RBM20: variants seen among roughly 807,000 people sequenced by gnomAD.
RBM20 encodes the protein RNA-binding protein 20.
In RBM20, 51 loss-of-function variants were observed where a neutral mutation model predicts 110.1. The observed-to-expected ratio is 0.46, with a 90% CI of 0.37 to 0.59. The LOEUF is 0.59. RBM20 is among the 20% of genes least tolerant of loss of function. The probability of loss-of-function intolerance (pLI) is 0.00; values close to 1 mark genes in which losing one functional copy is unlikely to be tolerated. For missense variants in RBM20, 1,512 were observed against 1,574.9 expected, an observed-to-expected ratio of 0.96 and a Z score of 0.68; for synonymous variants, 589 against 618.2, an observed-to-expected ratio of 0.95 and a Z score of 0.70.
chr10:110,672,345 T>A (rs1762695717), intron 1 of RBM20, among the ~76,000 whole-genome samples: 1 of 151,704 alleles, frequency 6.6e-6, no homozygotes, highest in Non-Finnish European at 1.5e-5. Flanking sequence ...TCCGAATAAT[T>A]CAACCCTCGT....
chr10:110,769,895 T>A (rs978071992), intron 1 of RBM20, among the ~76,000 whole-genome samples: 2 of 152,002 alleles, frequency 1.3e-5, no homozygotes, highest in East Asian at 1.9e-4. Context: ...ATCTAAAAAA[T>A]TTTTTTAGAG....
chr10:110,818,291 CAAA>C (rs11430112), intron 9 of RBM20, among the ~76,000 whole-genome samples: 1 of 56,260 alleles, frequency 1.8e-5, no homozygotes. Flanking sequence ...AACTCCATCT[CAAA>C]AAAAAAAAAA....
chr10:110,660,911 G>A lies in RBM20; in HGVS notation c.191+16266G>A, dbSNP rs1003748001. On this transcript the variant is annotated intron_variant, in intron 1 of 13. Transcript: ENST00000369519. ...AAAACTGGTCCCTGGTGCCGAAAAGGTTGGGGACCGCTGTTCTGACAAATT... is the reference window on the plus strand; with the variant it reads ...AAAACTGGTCCCTGGTGCCGAAAAGATTGGGGACCGCTGTTCTGACAAATT... Among the ~76,000 whole-genome samples, 7 of 152,070 alleles carry A rather than the reference G, an allele frequency of 4.6e-5. No homozygotes were observed. The East Asian group carries it at 1.3e-3, about 29-fold the overall frequency.
intron 1 of RBM20, among the ~76,000 whole-genome samples, chr10:110,700,313 T>C (rs1862738720): frequency 6.6e-6 from 1 of 152,206 alleles, no homozygotes. Flanking sequence ...GCGCTTCAGA[T>C]TTAGATAATA....
At chr10:110,780,620 G>GTTTTTTTTTTTTT (rs34363441) in intron 1 of RBM20, among the ~76,000 whole-genome samples, 181 bp from the exon 2 acceptor site, 1 of 140,872 alleles carries the variant, frequency 7.1e-6, no homozygotes. Flanking sequence ...TTCCATTGGA[G>GTTTTTTTTTTTTT]TTTTTTTTTT....
chr10:110,750,506 T>A (rs1383234127), intron 1 of RBM20, among the ~76,000 whole-genome samples: 3 of 152,194 alleles, frequency 2.0e-5, no homozygotes, highest in Non-Finnish European at 4.4e-5. Context: ...GAAGAACGCG[T>A]GGGGAAGAGC....
intron 12 of RBM20, among the ~76,000 whole-genome samples, chr10:110,826,046 C>T (rs1240953035): frequency 1.3e-5 from 2 of 152,060 alleles, no homozygotes; most frequent in Non-Finnish European, 2.9e-5. Flanking sequence ...GCGTCCTAGC[C>T]AGGGGGTTGT....
At chr10:110,769,328 A>G (rs998382426) in intron 1 of RBM20, among the ~76,000 whole-genome samples, 3 of 152,156 alleles carry the variant, frequency 2.0e-5, no homozygotes, top group East Asian at 1.9e-4. Flanking sequence ...GCTTTTTATA[A>G]TGATGGGGGT....
intron 1 of RBM20, among the ~76,000 whole-genome samples, chr10:110,689,586 G>T (rs1192281858): frequency 6.6e-6 from 1 of 152,146 alleles, no homozygotes; most frequent in Admixed American, 6.5e-5. Context: ...TTATATCTTT[G>T]TTGGAAATCC....
At chr10:110,784,750 A>C in intron 4 of RBM20, 42 bp from the exon 5 acceptor site, 1 of 1,282,670 alleles carries the variant, frequency 7.8e-7, no homozygotes, top group African/African-American at 1.5e-5. Flanking sequence ...TTTTGATGTT[A>C]CATTCTGGGT....
At chr10:110,747,157 T>G (rs374916089) in intron 1 of RBM20, among the ~76,000 whole-genome samples, 1 of 152,324 alleles carries the variant, frequency 6.6e-6, no homozygotes, top group South Asian at 2.1e-4. Flanking sequence ...TGCAACTTCT[T>G]GCAAGTCTAT....
intron 11 of RBM20, 48 bp from the exon 12 acceptor site, chr10:110,823,431 CT>C (rs201149204): frequency 9.2e-4 from 1,201 of 1,302,378 alleles, no homozygotes; most frequent in African/African-American, 4.5e-3. Context: ...TGTTGTATTT[CT>C]TTTTTTTTTT....
chr10:110,835,836 C>A (rs1157510737), intron 13 of RBM20, 32 bp from the exon 14 acceptor site: 1 of 1,549,022 alleles, frequency 6.5e-7, no homozygotes, highest in Admixed American at 2.0e-5. Flanking sequence ...ACTAACATGC[C>A]CCTTCCTCCA....
At position 110,826,337 on chromosome 10, in the gene RBM20, C is replaced by T. The variant is rs185558094; in HGVS notation, c.3451+2723C>T. ...ATAAATATACCTGTGAGACCATCAC[C>T]ACAATCAAGACTGGGAACAATGTTC... On this transcript the variant is annotated intron_variant, in intron 12 of 13. Transcript: ENST00000369519. Among the ~76,000 whole-genome samples, 238 of 152,230 alleles carry T rather than the reference C, an allele frequency of 1.6e-3. 1 individual carries two copies. The highest frequency in any genetic ancestry group is 2.2e-3 in the Admixed American group (34 of 15,290).
chr10:110,776,630 C>A (rs12573236), intron 1 of RBM20, among the ~76,000 whole-genome samples: 3 of 152,000 alleles, frequency 2.0e-5, no homozygotes, highest in Non-Finnish European at 4.4e-5. Flanking sequence ...CTCCTGCTTC[C>A]GTCTTAGAAG....
chr10:110,676,569 A>G (rs1862343124), intron 1 of RBM20, among the ~76,000 whole-genome samples: 1 of 152,256 alleles, frequency 6.6e-6, no homozygotes, highest in African/African-American at 2.4e-5. Flanking sequence ...CAAACTGTTC[A>G]TATGGTAGTT....
chr10:110,781,893 T>A lies in RBM20; in HGVS notation c.1275+9T>A. On this transcript the variant is annotated intron_variant, in intron 2 of 13. Coordinates refer to ENST00000369519, the MANE Select transcript of RBM20 (RefSeq NM_001134363.3). Reference sequence around the variant, plus strand: ...AGGTGTTTGATTTGAAGGTGAGTTGTCCAAGACAGGCTGGGAGCCACAGCT... The same window carrying A: ...AGGTGTTTGATTTGAAGGTGAGTTGACCAAGACAGGCTGGGAGCCACAGCT... 6.4e-7 allele frequency: 1 copy of A among 1,551,626 alleles called. No individual in the cohort carries two copies. The highest frequency in any genetic ancestry group is 8.7e-7 in the Non-Finnish European group (1 of 1,146,992).
intron 1 of RBM20, among the ~76,000 whole-genome samples, chr10:110,664,199 A>C (rs528550672): frequency 6.6e-6 from 1 of 152,292 alleles, no homozygotes; most frequent in East Asian, 1.9e-4. Context: ...CTAAAAAGAA[A>C]CTAAGAATCC....
intron 1 of RBM20, among the ~76,000 whole-genome samples, chr10:110,686,723 C>T (rs1862510549): frequency 6.6e-6 from 1 of 152,120 alleles, no homozygotes; most frequent in East Asian, 1.9e-4. Context: ...ATAGGCATTT[C>T]TATCCATCAT....
Sources: allele counts gnomAD v4.1 joint callset (sites outside exome capture counted in the v4.1 genomes callset), GRCh38; gene constraint gnomAD v4.1.1; transcripts MANE v1.5; gene names NCBI Gene and HGNC (gene_info 2026-07-23, HGNC 2026-07-21).